Variants in NFIB observed in about 807,000 individuals in gnomAD.
The protein encoded by NFIB is nuclear factor 1 B-type.
NFIB carries 11 observed loss-of-function variants against 61.5 expected under a neutral mutation model. The observed-to-expected ratio is 0.18, with a 90% CI of 0.11 to 0.30. The LOEUF is 0.30. Ranked by LOEUF, NFIB falls within the 10% of genes least tolerant of loss-of-function variation. The pLI is 1.00. For missense variants in NFIB, 471 were observed against 608.9 expected, an observed-to-expected ratio of 0.77 and a Z score of 2.38; for synonymous variants, 260 against 216.5, an observed-to-expected ratio of 1.20 and a Z score of -1.76.
At chr9:14,497,094 A>G in the NFIB span, among the ~76,000 whole-genome samples, 1 of 152,234 alleles carries the variant, frequency 6.6e-6, no homozygotes, top group African/African-American at 2.4e-5. Flanking sequence ...TCCAAGCTGT[A>G]CTACTTGAAT....
chr9:14,102,463 G>T, intron 10 of NFIB: 1 of 1,550,326 alleles, frequency 6.5e-7, no homozygotes, highest in Non-Finnish European at 8.7e-7. Flanking sequence ...TGGTACTGGG[G>T]TATAAATGCC....
the NFIB span, among the ~76,000 whole-genome samples, chr9:14,470,965 C>T: frequency 6.6e-6 from 1 of 152,158 alleles, no homozygotes; most frequent in Non-Finnish European, 1.5e-5. Flanking sequence ...GGCAGGGTGC[C>T]TAAAAGCTGA....
At chr9:14,526,979 T>C in the NFIB span, among the ~76,000 whole-genome samples, 1 of 152,232 alleles carries the variant, frequency 6.6e-6, no homozygotes, top group African/African-American at 2.4e-5. Flanking sequence ...AGGATACTTT[T>C]CTTTATCCAA....
chr9:14,156,670 C>T (rs1199356864), intron 3 of NFIB, among the ~76,000 whole-genome samples: 2 of 152,108 alleles, frequency 1.3e-5, no homozygotes, highest in East Asian at 3.9e-4. Flanking sequence ...ATGTCCAAAA[C>T]TAGAGATGAG....
the NFIB span, among the ~76,000 whole-genome samples, chr9:14,514,419 G>T: frequency 6.6e-6 from 1 of 152,150 alleles, no homozygotes; most frequent in East Asian, 1.9e-4. Context: ...GAAAACAAGA[G>T]CAAGATGTTA....
At chr9:14,485,276 G>C in the NFIB span, among the ~76,000 whole-genome samples, 1 of 152,160 alleles carries the variant, frequency 6.6e-6, no homozygotes, top group Non-Finnish European at 1.5e-5. Context: ...TTATTCCATA[G>C]GTAGTTCTTG....
At chr9:14,374,939 G>C (rs181379500) in intron 1 of NFIB, among the ~76,000 whole-genome samples, 1 of 151,660 alleles carries the variant, frequency 6.6e-6, no homozygotes, top group East Asian at 1.9e-4. Context: ...ATAAATAAAG[G>C]AATTAATTAA....
intron 1 of NFIB, among the ~76,000 whole-genome samples, chr9:14,396,175 T>C (rs1487828314): frequency 1.3e-5 from 2 of 152,178 alleles, no homozygotes; most frequent in Non-Finnish European, 2.9e-5. Context: ...TATGTTTTTT[T>C]CACCATTTTT....
chr9:14,371,848 C>T (rs888268584), intron 1 of NFIB, among the ~76,000 whole-genome samples: 1 of 152,154 alleles, frequency 6.6e-6, no homozygotes, highest in African/African-American at 2.4e-5. Context: ...TGTCAATGTA[C>T]TTGTTCTCAG....
the NFIB span, among the ~76,000 whole-genome samples, chr9:14,503,104 ATATGTGTGTATG>A: frequency 6.9e-6 from 1 of 144,426 alleles, no homozygotes; most frequent in African/African-American, 2.6e-5. Context: ...ATATATATAT[ATATGTGTGTATG>A]TGTGTGTATG....
At chr9:14,131,424 C>T (rs1332376637) in intron 6 of NFIB, among the ~76,000 whole-genome samples, 1 of 152,160 alleles carries the variant, frequency 6.6e-6, no homozygotes, top group Admixed American at 6.5e-5. Context: ...TTCACGTCAT[C>T]ACTTCAAAGA....
intron 2 of NFIB, among the ~76,000 whole-genome samples, chr9:14,283,198 C>CT (rs1268632042): frequency 1.3e-5 from 2 of 152,194 alleles, no homozygotes; most frequent in Non-Finnish European, 2.9e-5. Context: ...AGAAAACGAA[C>CT]TGACATAACT....
chr9:14,437,765 T>G, the NFIB span, among the ~76,000 whole-genome samples: 1 of 152,220 alleles, frequency 6.6e-6, no homozygotes. Flanking sequence ...CCAAGCTCTG[T>G]GTTCTCCTGC....
chr9:14,125,260 C>T (rs541222331), intron 7 of NFIB, among the ~76,000 whole-genome samples: 18 of 152,174 alleles, frequency 1.2e-4, no homozygotes, highest in Admixed American at 3.3e-4. Context: ...CAGGCTCAAG[C>T]GATTCTCCTG....
At chr9:14,460,579 A>G in the NFIB span, among the ~76,000 whole-genome samples, 1 of 152,228 alleles carries the variant, frequency 6.6e-6, no homozygotes, top group African/African-American at 2.4e-5. Context: ...TGAAAAAAGA[A>G]AAACACCCAC....
chr9:14,429,540 G>A, the NFIB span, among the ~76,000 whole-genome samples: 8 of 152,324 alleles, frequency 5.3e-5, no homozygotes, highest in East Asian at 1.9e-4. Context: ...TAGGAGCACC[G>A]GCAGAATTGT....
At chr9:14,102,275 A>C in intron 10 of NFIB, 1 of 623,610 alleles carries the variant, frequency 1.6e-6, no homozygotes, top group Non-Finnish European at 2.7e-6. Context: ...ATAAGAAATA[A>C]AGGAGGAGGA....
At chr9:14,481,930 T>C in the NFIB span, among the ~76,000 whole-genome samples, 8 of 152,046 alleles carry the variant, frequency 5.3e-5, no homozygotes, top group Non-Finnish European at 1.0e-4. Flanking sequence ...TTGGCACCAT[T>C]TTTACCTTTG....
chr9:14,474,526 C>T, the NFIB span, among the ~76,000 whole-genome samples: 1 of 152,180 alleles, frequency 6.6e-6, no homozygotes, highest in Non-Finnish European at 1.5e-5. Flanking sequence ...CCCATTTGTT[C>T]CATCCTAATA....
Sources: gnomAD v4.1 joint callset for allele counts (sites outside exome capture counted in the v4.1 genomes callset) on GRCh38, gnomAD v4.1.1 for gene constraint, MANE v1.5 for transcripts, NCBI Gene and HGNC (gene_info 2026-07-23, HGNC 2026-07-21) for gene names.